Variants in LRP4 observed in about 807,000 individuals in gnomAD.
LRP4 encodes LDL receptor related protein 4.
Under a neutral mutation model 220.3 loss-of-function variants are expected in LRP4, and 95 were observed. The observed-to-expected ratio is 0.43, with a 90% CI of 0.37 to 0.51. The LOEUF is 0.51. LRP4 is among the 20% of genes least tolerant of loss of function. The pLI, the probability that LRP4 is intolerant of heterozygous loss-of-function variation, is 0.00. For synonymous variants in LRP4, 903 were observed against 954.6 expected (o/e 0.95, Z 1.00); for missense variants, 1,925 against 2,567.0 (o/e 0.75, Z 5.40).
intron 1 of LRP4, among the ~76,000 whole-genome samples, chr11:46,906,861 T>C (rs1023944172): frequency 1.3e-5 from 2 of 152,148 alleles, no homozygotes; most frequent in East Asian, 1.9e-4. Flanking sequence ...CTCGACTTCC[T>C]GCATGTCAAA....
At chr11:46,912,559 G>A (rs964931957) in intron 1 of LRP4, among the ~76,000 whole-genome samples, 4 of 152,108 alleles carry the variant, frequency 2.6e-5, no homozygotes, top group Admixed American at 1.3e-4. Context: ...TCTCCACTTG[G>A]TTAGAAGGAG....
In LRP4 at chr11:46,873,240, A is replaced by T. The variant is rs1940917294; in HGVS notation, c.4449-6T>A. On this transcript the variant is annotated splice_polypyrimidine_tract_variant and splice_region_variant and intron_variant, in intron 29 of 37. Coordinates refer to ENST00000378623, the MANE Select transcript of LRP4 (RefSeq NM_002334.4). The surrounding 1 kb of genome is among the most constrained non-coding windows in gnomAD (Gnocchi z 4.2). ...AGTCTGTCCAGAAGAGGTACCTGAG[A>T]CACAACAGTGCCATCATCATCAAGG... The T allele has an allele frequency of 6.2e-7, 1 of 1,614,144 alleles. No homozygotes were observed. The highest frequency in any genetic ancestry group is 8.5e-7 in the Non-Finnish European group (1 of 1,180,014).
At chr11:46,878,767 G>T (rs1159580468) in intron 22 of LRP4, 140 bp downstream of exon 22, 7 of 1,275,218 alleles carry the variant, frequency 5.5e-6, no homozygotes, top group African/African-American at 2.9e-5. Context: ...TCTAAAAGCC[G>T]TGAGTCTCTC....
chr11:46,890,313 G>T lies in LRP4; in HGVS notation c.1879C>A (p.Leu627Met). The change falls in exon 14 of 38, where the codon CTG becomes ATG. Residue 627 changes from leucine to methionine, a missense_variant. Around this residue, in one of 3 missense-constraint regions of LRP4, gnomAD observed 269 missense variants for 436.7 expected, o/e 0.62. Coordinates refer to ENST00000378623, the MANE Select transcript of LRP4 (RefSeq NM_002334.4). The surrounding 1 kb of genome is among the most constrained non-coding windows in gnomAD (Gnocchi z 5.3). The stretch of plus-strand genomic sequence containing the variant: ...ACAGCCTTACGGTGACTCCCATCCA[G>T]ATTGGCCCTCTCGATGACATGGTGC... ...AKHHVIERANLDGSHRKAVIS... is the reference protein window; with the variant it reads ...AKHHVIERANMDGSHRKAVIS... 1 of 1,614,204 alleles carries T rather than the reference G, an allele frequency of 6.2e-7. No homozygotes were observed. Among genetic ancestry groups the T allele is most frequent in the Admixed American group, 1.7e-5 (1 of 60,026 alleles).
chr11:46,913,352 T>C (rs1941896436), intron 1 of LRP4, among the ~76,000 whole-genome samples: 1 of 152,070 alleles, frequency 6.6e-6, no homozygotes, highest in African/African-American at 2.4e-5. Flanking sequence ...TTGGTTACGG[T>C]CAACTTTCCG....
intron 19 of LRP4, among the ~76,000 whole-genome samples, 175 bp downstream of exon 19, chr11:46,883,696 A>C (rs1280464439): frequency 2.0e-5 from 3 of 152,200 alleles, no homozygotes; most frequent in Non-Finnish European, 4.4e-5. Flanking sequence ...CCACTGGGTT[A>C]GGGTCTCCCC....
At chr11:46,900,238 C>A in intron 3 of LRP4, 24 bp downstream of exon 3, 1 of 1,558,416 alleles carries the variant, frequency 6.4e-7, no homozygotes, top group Non-Finnish European at 8.9e-7. Context: ...AATGGAGTTC[C>A]GCCCAGCCTC....
chr11:46,914,137 T>A (rs1292415218), intron 1 of LRP4, among the ~76,000 whole-genome samples: 3 of 152,212 alleles, frequency 2.0e-5, no homozygotes, highest in Non-Finnish European at 4.4e-5. Flanking sequence ...AGTTTGAACA[T>A]GCTATTATCT....
At position 46,881,703 on chromosome 11, in the gene LRP4, T is replaced by G; in HGVS notation, c.2813A>C (p.Lys938Thr). The G allele has an allele frequency of 6.2e-7, 1 of 1,612,346 alleles. No individual in the cohort carries two copies. Among genetic ancestry groups the G allele is most frequent in the Non-Finnish European group, 8.5e-7 (1 of 1,179,478 alleles). ...EFAGLDGSKR[K>T]VLIGSQLPHP... ...CCTTCCTCTTACTGCCACCCTTACC[T>G]TCCTCTTACTGCCATCCAGTCCAGC... The change falls in exon 20 of 38, where the codon AAG (lysine) becomes ACG (threonine). Residue 938 changes from lysine to threonine, a missense_variant and splice_region_variant. Physicochemically the swap from Lys to Thr is moderately conservative, Grantham distance 78 (BLOSUM62 -1). Coordinates refer to ENST00000378623, the MANE Select transcript of LRP4 (RefSeq NM_002334.4).
intron 1 of LRP4, among the ~76,000 whole-genome samples, chr11:46,903,208 A>G (rs567577826): frequency 6.6e-6 from 1 of 152,300 alleles, no homozygotes; most frequent in East Asian, 1.9e-4. Flanking sequence ...AGATGATGCC[A>G]CCTAGGCTAG....
At chr11:46,905,852 CAA>C (rs35421139) in intron 1 of LRP4, among the ~76,000 whole-genome samples, 59 of 93,076 alleles carry the variant, frequency 6.3e-4, no homozygotes, top group African/African-American at 1.6e-3. Flanking sequence ...AACTCCGTCT[CAA>C]AAAAAAAAAA....
Position 46,858,940 on chromosome 11 carries a change from TAA to T in LRP4, c.*41_*42del, listed in dbSNP as rs777775553. The T allele has an allele frequency of 6.3e-7, 1 of 1,585,764 alleles. No homozygotes were observed. Among genetic ancestry groups the T allele is most frequent in the South Asian group, 1.1e-5 (1 of 90,424 alleles). ...AGCGAGCACAAGGACTAGACGTCCA[TAA>T]AGGAGAAGGAACAGGCAGGCAGGGA... On this transcript the variant is annotated 3_prime_UTR_variant, in exon 38 of 38. Transcript: ENST00000378623.
intron 2 of LRP4, 96 bp from the exon 3 acceptor site, chr11:46,900,474 C>A: frequency 1.2e-6 from 1 of 807,366 alleles, no homozygotes; most frequent in Admixed American, 1.8e-5. Context: ...ATCCCCTTGT[C>A]TTTTTTTCTT....
At chr11:46,877,438 T>C (rs1275567488) in intron 22 of LRP4, 99 bp from the exon 23 acceptor site, 1 of 1,244,924 alleles carries the variant, frequency 8.0e-7, no homozygotes, top group Non-Finnish European at 1.2e-6. Flanking sequence ...CCTGCTAGTT[T>C]CTAGCTATGT....
chr11:46,876,733 G>A lies in LRP4; in HGVS notation c.3364+11C>T, dbSNP rs1261210044. 4.3e-6 allele frequency: 7 copies of A among 1,613,982 alleles called. No individual in the cohort carries two copies. The South Asian group carries it at 5.5e-5, about 13-fold the overall frequency. ...CAGACAGGTGGTCCCTGGGCTAGGA[G>A]GAAGGCCCACCTGTGGTGATGATGT... is the stretch of plus-strand genomic sequence containing the variant. On this transcript the variant is annotated intron_variant, in intron 24 of 37. Coordinates refer to ENST00000378623, the MANE Select transcript of LRP4 (RefSeq NM_002334.4).
At chr11:46,892,587 T>C (rs1452061461) in intron 13 of LRP4, among the ~76,000 whole-genome samples, 1 of 151,190 alleles carries the variant, frequency 6.6e-6, no homozygotes, top group Non-Finnish European at 1.5e-5. Flanking sequence ...TTTTTTTTTT[T>C]TCGAGACAGA....
intron 16 of LRP4, among the ~76,000 whole-genome samples, chr11:46,888,382 C>T (rs1941344107): frequency 6.6e-6 from 1 of 151,174 alleles, no homozygotes; most frequent in Non-Finnish European, 1.5e-5. Context: ...GGAGAAACCC[C>T]GTCCCTACTA....
Position 46,858,873 on chromosome 11 carries a change from G to C in LRP4, c.*110C>G, listed in dbSNP as rs1035162509. 1.3e-5 allele frequency: 13 copies of C among 1,021,720 alleles called. No homozygotes were observed. The highest frequency in any genetic ancestry group is 2.0e-5 in the Non-Finnish European group (13 of 649,334). The allele number at this position is 1,021,720 out of a possible 1,614,324, so 63.3% of individuals were successfully genotyped here. On this transcript the variant is annotated 3_prime_UTR_variant, in exon 38 of 38. Coordinates refer to ENST00000378623, the MANE Select transcript of LRP4 (RefSeq NM_002334.4). ...GCTTAGGAACAGTTATGGGGTGGGA[G>C]GAGGAGGAGGACAAGCACACAGAAG...
At chr11:46,900,080 T>G in intron 3 of LRP4, 104 bp from the exon 4 acceptor site, 3 of 1,051,958 alleles carry the variant, frequency 2.9e-6, no homozygotes. Flanking sequence ...AGTGCTGCCC[T>G]GAGGGCTCCG....
Sources: gnomAD v4.1 joint callset for allele counts (sites outside exome capture counted in the v4.1 genomes callset) on GRCh38, gnomAD v4.1.1 for gene constraint, gnomAD v4.1.1 regional missense constraint, Gnocchi (gnomAD v3.1) non-coding constraint, MANE v1.5 for transcripts, NCBI Gene and HGNC (gene_info 2026-07-23, HGNC 2026-07-21) for gene names.